Variants in RBPMS observed in about 807,000 individuals in gnomAD.
The protein encoded by RBPMS is RNA binding protein, mRNA processing factor.
A neutral mutation model predicts 26.8 loss-of-function variants in RBPMS; 7 were observed. That is an observed-to-expected ratio of 0.26 (90% CI 0.15 to 0.49). The LOEUF (loss-of-function observed/expected upper bound fraction) is 0.49, where lower values mean the gene tolerates loss of function less well. Ranked by LOEUF, RBPMS falls within the 20% of genes least tolerant of loss-of-function variation. RBPMS has a pLI of 0.98. For missense variants in RBPMS, 186 were observed against 250.0 expected, an observed-to-expected ratio of 0.74 and a Z score of 1.73; for synonymous variants, 96 against 93.3, an observed-to-expected ratio of 1.03 and a Z score of -0.17.
chr8:30,469,368 A>G (rs1172764850), intron 1 of RBPMS, among the ~76,000 whole-genome samples: 1 of 152,264 alleles, frequency 6.6e-6, no homozygotes, highest in African/African-American at 2.4e-5. Flanking sequence ...TGGCAATGCC[A>G]TTTAAGAACA....
chr8:30,547,751 C>T (rs772684891), intron 6 of RBPMS, among the ~76,000 whole-genome samples: 107 of 152,320 alleles, frequency 7.0e-4, no homozygotes, highest in Non-Finnish European at 1.4e-3. Flanking sequence ...ATGTTGGAAG[C>T]GTCTCATCCA....
chr8:30,530,525 C>T (rs1464253769), intron 5 of RBPMS, among the ~76,000 whole-genome samples: 3 of 152,186 alleles, frequency 2.0e-5, no homozygotes, highest in Non-Finnish European at 2.9e-5. Context: ...TGCAGTGGTG[C>T]GATCTCAGCT....
chr8:30,446,884 G>T (rs1813923560), intron 1 of RBPMS: 1 of 151,794 alleles, frequency 6.6e-6, no homozygotes, highest in South Asian at 2.1e-4. Context: ...GGTAGAGATG[G>T]AACTTCAGTA....
chr8:30,523,858 G>A (rs1054225462), intron 5 of RBPMS, among the ~76,000 whole-genome samples: 52 of 152,016 alleles, frequency 3.4e-4, no homozygotes, highest in Admixed American at 3.3e-3. Flanking sequence ...CATTTTTAAT[G>A]ATGGTCTACT....
chr8:30,511,515 ATATATATATATTTCTGTG>A, intron 5 of RBPMS, among the ~76,000 whole-genome samples: 1 of 9,494 alleles, frequency 1.1e-4, no homozygotes, highest in African/African-American at 1.8e-4. Context: ...ATATATATAT[ATATATATATATTTCTGTG>A]TGTGTGTGTG....
intron 1 of RBPMS, among the ~76,000 whole-genome samples, chr8:30,458,180 CTGTACATGTTCACTA>C (rs1563337627): frequency 6.6e-6 from 1 of 152,148 alleles, no homozygotes; most frequent in African/African-American, 2.4e-5. Flanking sequence ...CTAAAAAAGT[CTGTACATGTTCACTA>C]CAGATGCATT....
chr8:30,443,662 T>C (rs1813390358), intron 1 of RBPMS, among the ~76,000 whole-genome samples: 1 of 151,862 alleles, frequency 6.6e-6, no homozygotes, highest in African/African-American at 2.4e-5. Context: ...TGGTGCAATC[T>C]CGGCTCACTG....
At chr8:30,427,165 ATTG>A (rs911725207) in intron 1 of RBPMS, among the ~76,000 whole-genome samples, 17 of 152,080 alleles carry the variant, frequency 1.1e-4, no homozygotes, top group African/African-American at 4.1e-4. Flanking sequence ...GAATTCAGCT[ATTG>A]TTCTTAATGT....
At chr8:30,528,564 A>C (rs1030181833) in intron 5 of RBPMS, among the ~76,000 whole-genome samples, 2 of 152,216 alleles carry the variant, frequency 1.3e-5, no homozygotes, top group African/African-American at 4.8e-5. Flanking sequence ...TTTAGGAATG[A>C]GAAATTCAAT....
intron 5 of RBPMS, among the ~76,000 whole-genome samples, chr8:30,507,521 G>GTTTCTC (rs1225386634): frequency 3.3e-5 from 5 of 152,168 alleles, no homozygotes; most frequent in African/African-American, 1.2e-4. Flanking sequence ...GTCTTTGCAA[G>GTTTCTC]TTAGGAGAAA....
chr8:30,433,466 T>C lies in RBPMS; in HGVS notation c.67-41313T>C, dbSNP rs190959492. On this transcript the variant is annotated intron_variant, in intron 1 of 8. Transcript: ENST00000397323. ...ATCAAGGATCGCTTGAACCCAGGAG[T>C]TTGAGACCAGCTTGGGCACCATGGC... 2.5e-3 allele frequency among the ~76,000 whole-genome samples: 376 copies of C among 152,240 alleles called. 2 individuals carry two copies. Among genetic ancestry groups the C allele is most frequent in the Non-Finnish European group, 3.3e-3 (226 of 68,020 alleles).
intron 1 of RBPMS, among the ~76,000 whole-genome samples, chr8:30,427,661 G>A (rs1031802947): frequency 2.6e-5 from 4 of 152,236 alleles, no homozygotes; most frequent in South Asian, 2.1e-4. Context: ...AGACTCCACC[G>A]CCTGTAAACT....
At position 30,511,529 on chromosome 8, in the gene RBPMS, C is replaced by CTG. The variant is rs10596340; in HGVS notation, c.397+7113_397+7114dup. 2.6e-3 allele frequency among the ~76,000 whole-genome samples: 308 copies of CTG among 119,916 alleles called. 1 individual carries two copies. Among genetic ancestry groups the CTG allele is most frequent in the African/African-American group, 8.0e-3 (248 of 31,090 alleles). The allele number at this position is 119,916 out of a possible 152,430, so 78.7% of individuals were successfully genotyped here. On this transcript the variant is annotated intron_variant, in intron 5 of 8. Transcript: ENST00000397323. ...TATATATATATATATATATATATTT[C>CTG]TGTGTGTGTGTGTGTGTGTGTATGT...
intron 1 of RBPMS, among the ~76,000 whole-genome samples, chr8:30,443,841 C>T (rs559023244): frequency 3.5e-4 from 54 of 152,156 alleles, no homozygotes; most frequent in South Asian, 8.3e-4. Context: ...GTGATCTGCC[C>T]GCCTCGGCCT....
chr8:30,457,007 C>A (rs910413915), intron 1 of RBPMS, among the ~76,000 whole-genome samples: 1 of 152,182 alleles, frequency 6.6e-6, no homozygotes, highest in Non-Finnish European at 1.5e-5. Flanking sequence ...TTTATTTGGT[C>A]GTACTAAAAC....
chr8:30,390,501 G>A (rs1395057441), intron 1 of RBPMS, among the ~76,000 whole-genome samples: 1 of 152,094 alleles, frequency 6.6e-6, no homozygotes, highest in Non-Finnish European at 1.5e-5. Flanking sequence ...TGCGCACATG[G>A]CGTTCGGGAT....
rs562154218 is a variant in RBPMS, at chr8:30,423,369, C to T, written c.66+38211C>T. ...AAGACCTGTCTGGCAGGGCTTGGCA[C>T]CTCTTTCCTCTTTGTGTATGCAGGG... On this transcript the variant is annotated intron_variant, in intron 1 of 8. Transcript: ENST00000397323. Among the ~76,000 whole-genome samples, 8 of 152,304 alleles carry T rather than the reference C, an allele frequency of 5.3e-5. No individual in the cohort carries two copies. The South Asian group carries it at 1.7e-3, about 32-fold the overall frequency.
intron 1 of RBPMS, among the ~76,000 whole-genome samples, chr8:30,424,505 TAA>T (rs1190066991): frequency 6.6e-6 from 1 of 152,210 alleles, no homozygotes; most frequent in Non-Finnish European, 1.5e-5. Flanking sequence ...AATTTAATTA[TAA>T]GTTAGTTACT....
intron 1 of RBPMS, among the ~76,000 whole-genome samples, chr8:30,407,873 C>T (rs1202652419): frequency 7.5e-6 from 1 of 133,114 alleles, no homozygotes; most frequent in Non-Finnish European, 1.6e-5. Flanking sequence ...CATCATCTTT[C>T]ACTAGACCTC....
Sources: allele counts gnomAD v4.1 joint callset (sites outside exome capture counted in the v4.1 genomes callset), GRCh38; gene constraint gnomAD v4.1.1; transcripts MANE v1.5; gene names NCBI Gene and HGNC (gene_info 2026-07-23, HGNC 2026-07-21).